The following PIGG variants were observed in gnomAD, a reference collection of about 807,000 sequenced individuals.
PIGG encodes the protein phosphatidylinositol glycan anchor biosynthesis class G (EMM blood group).
In PIGG, 70 loss-of-function variants were observed where a neutral mutation model predicts 83.2. The ratio of observed to expected loss-of-function variants is 0.84; its 90% CI spans 0.69 to 1.03. The LOEUF is 1.03. Ranked by LOEUF, PIGG falls within the 50% of genes least tolerant of loss-of-function variation. The probability of loss-of-function intolerance (pLI) is 0.00; values close to 1 mark genes in which losing one functional copy is unlikely to be tolerated. For synonymous variants in PIGG, 532 were observed against 519.5 expected (o/e 1.02, Z -0.33); for missense variants, 1,257 against 1,233.6 (o/e 1.02, Z -0.28).
At chr4:517,714 G>C (rs1044413376) in intron 6 of PIGG, among the ~76,000 whole-genome samples, 4 of 152,134 alleles carry the variant, frequency 2.6e-5, no homozygotes, top group Non-Finnish European at 4.4e-5. Flanking sequence ...CAGACACTGC[G>C]ACTCTAATGG....
intron 2 of PIGG, chr4:501,296 G>C: frequency 2.7e-6 from 1 of 368,116 alleles, no homozygotes. Context: ...TAGATATACA[G>C]CCACTCAACA....
intron 5 of PIGG, among the ~76,000 whole-genome samples, chr4:510,139 G>C (rs1387950809): frequency 1.3e-5 from 2 of 152,168 alleles, no homozygotes; most frequent in Non-Finnish European, 1.5e-5. Flanking sequence ...TGGGAAATCA[G>C]GGGTCTCACA....
At chr4:516,948 G>C (rs1430207789) in intron 6 of PIGG, among the ~76,000 whole-genome samples, 1 of 152,002 alleles carries the variant, frequency 6.6e-6, no homozygotes, top group East Asian at 1.9e-4. Context: ...CTGGCCGCTG[G>C]CCATCTGGGA....
chr4:505,459 CAAAAAAAAAAA>C lies in PIGG; in HGVS notation c.361-242_361-232del, dbSNP rs35308755. Among the ~76,000 whole-genome samples, 79 of 45,030 alleles carry C rather than the reference CAAAAAAAAAAA, an allele frequency of 1.8e-3. 2 individuals carry two copies. Among genetic ancestry groups the C allele is most frequent in the African/African-American group, 4.3e-3 (47 of 11,022 alleles). 29.5% of individuals were successfully genotyped at this position (45,030 alleles called of 152,430 possible). On this transcript the variant is annotated intron_variant, in intron 2 of 12. Coordinates refer to ENST00000453061, the MANE Select transcript of PIGG (RefSeq NM_001127178.3). ...CAACATAGCGGGACCCTGTATCTAC[CAAAAAAAAAAA>C]AAAAAAAAAAAAAAAAGCTGGGTGT...
chr4:521,272 A>G lies in PIGG; in HGVS notation c.1331A>G (p.Glu444Gly), dbSNP rs1215019860. 3 of 1,606,576 alleles carry G rather than the reference A, an allele frequency of 1.9e-6. No homozygotes were observed. The highest frequency in any genetic ancestry group is 2.6e-6 in the Non-Finnish European group (3 of 1,173,450). ...ATGGTGGGGACTGTCGTGGTTTTGGAGGTACAGATGCTCACACAGTCATGG... is the reference window on the plus strand; with the variant it reads ...ATGGTGGGGACTGTCGTGGTTTTGGGGGTACAGATGCTCACACAGTCATGG... Reference protein sequence around the residue: ...SMMVGTVVVLEVLTLLLLSVP... With the variant: ...SMMVGTVVVLGVLTLLLLSVP... Residue 444 changes from glutamate to glycine, a missense_variant and splice_region_variant, in exon 7 of 13, where the codon GAG (glutamate) becomes GGG (glycine). By Grantham distance (98) the Glu-to-Gly change is moderately conservative. Coordinates refer to ENST00000453061, the MANE Select transcript of PIGG (RefSeq NM_001127178.3).
At chr4:534,652 G>C (rs532305240) in intron 12 of PIGG, among the ~76,000 whole-genome samples, 89 of 152,214 alleles carry the variant, frequency 5.8e-4, no homozygotes, top group Non-Finnish European at 1.0e-3. Flanking sequence ...CAGTGAGCCT[G>C]AGGTCTCCTC....
intron 2 of PIGG, among the ~76,000 whole-genome samples, chr4:504,680 C>T (rs1269877572): frequency 6.6e-6 from 1 of 152,194 alleles, no homozygotes; most frequent in Admixed American, 6.5e-5. Context: ...CCCAGGTTCC[C>T]GTTTATTTTC....
rs782412147 is a variant in PIGG, at chr4:500,470, A to T, written c.229A>T (p.Arg77Ter). 9 of 1,613,688 alleles carry T rather than the reference A, an allele frequency of 5.6e-6. No homozygotes were observed. The highest frequency in any genetic ancestry group is 7.6e-6 in the Non-Finnish European group (9 of 1,179,628). ...KVVIVLIDAL[R>*]DDFVFGSKGV... ...TGTTATTGTTCTGATAGATGCCTTG[A>T]GAGATGATTTTGTGTTTGGGTCAAA... Residue 77 changes from arginine to a stop codon, truncating the protein, a stop_gained, in exon 2 of 13, where the codon AGA becomes TGA. Transcript: ENST00000453061. LOFTEE classifies it high-confidence loss of function.
At chr4:506,830 CTCAGCT>C in intron 3 of PIGG, 3 of 456,044 alleles carry the variant, frequency 6.6e-6, no homozygotes, top group South Asian at 4.6e-5. Context: ...TGTAGATGCC[CTCAGCT>C]TCATCATCCT....
In PIGG at chr4:530,466, C is replaced by A; in HGVS notation, c.2292C>A (p.Val764=). 6.2e-7 allele frequency: 1 copy of A among 1,613,554 alleles called. No individual in the cohort carries two copies. Residue 764 remains valine, a synonymous_variant, in exon 11 of 13, where the codon GTC becomes GTA. Coordinates refer to ENST00000453061, the MANE Select transcript of PIGG (RefSeq NM_001127178.3). Reference sequence around the variant, plus strand: ...TTATTGAAGCTCGTTTTGTTTATGTCTTTGTCCTTGGCATTCTGTTCACGG... The same window carrying A: ...TTATTGAAGCTCGTTTTGTTTATGTATTTGTCCTTGGCATTCTGTTCACGG... ...KGIIEARFVY[V]FVLGILFTGT...
chr4:528,178 A>G lies in PIGG; in HGVS notation c.2261+948A>G. Reference sequence around the variant, plus strand: ...TAGGCAGCCTATTTTCACAGAACAGAGAAGCATGTTGTGGAACAGGTATGA... The same window carrying G: ...TAGGCAGCCTATTTTCACAGAACAGGGAAGCATGTTGTGGAACAGGTATGA... On this transcript the variant is annotated intron_variant, in intron 10 of 12. Transcript: ENST00000453061. The surrounding 1 kb of genome is among the most constrained non-coding windows in gnomAD (Gnocchi z 4.8). 1 of 984,962 alleles carries G rather than the reference A, an allele frequency of 1.0e-6. No individual in the cohort carries two copies. 61.0% of individuals were successfully genotyped at this position (984,962 alleles called of 1,614,324 possible). A position where few individuals can be genotyped will look rare whatever the true frequency, so the allele number is the denominator to read the frequency against.
At chr4:505,186 G>A (rs182970914) in intron 2 of PIGG, among the ~76,000 whole-genome samples, 2 of 152,132 alleles carry the variant, frequency 1.3e-5, no homozygotes, top group East Asian at 3.9e-4. Flanking sequence ...TGTTGCCGTC[G>A]TCTCGCTATC....
intron 6 of PIGG, 62 bp downstream of exon 6, chr4:516,247 C>T: frequency 2.7e-6 from 3 of 1,110,028 alleles, no homozygotes; most frequent in Non-Finnish European, 4.1e-6. Context: ...GCTCGGGTTT[C>T]TCCGATGTGT....
chr4:500,157 T>G (rs1553874767), intron 1 of PIGG: 1 of 538,112 alleles, frequency 1.9e-6, no homozygotes, highest in African/African-American at 1.9e-5. Flanking sequence ...CCCAGTACTC[T>G]TCACCATACT....
Position 521,839 on chromosome 4 carries a change from G to A in PIGG, c.1512G>A (p.Ser504=), listed in dbSNP as rs35851965. 5.1e-5 allele frequency: 82 copies of A among 1,614,086 alleles called. No homozygotes were observed. Among genetic ancestry groups the A allele is most frequent in the Middle Eastern group, 1.6e-4 (1 of 6,084 alleles). The change falls in exon 8 of 13, where the codon TCG becomes TCA. Residue 504 remains serine (S), a synonymous_variant. Coordinates refer to ENST00000453061, the MANE Select transcript of PIGG (RefSeq NM_001127178.3). The stretch of plus-strand genomic sequence containing the variant: ...GTTCGTGCTACTTCTGTGGCCTCTC[G>A]TGGCTGGCGGCAGGTGGGGTGATGG... ...AESSCYFCGL[S]WLAAGGVMVL...
Position 530,650 on chromosome 4 carries a change from C to T in PIGG, c.2476C>T (p.Leu826=), listed in dbSNP as rs773020244. Residue 826 remains leucine, a synonymous_variant, in exon 11 of 13, where the codon CTA becomes TTA. Transcript: ENST00000453061. The part of the protein sequence containing the change: ...VLAFSLLIQT[L]MTKFIWKPLR... The stretch of plus-strand genomic sequence containing the variant: ...AGCATTTAGCCTCTTGATTCAGACT[C>T]TAATGACTAAATTCATCTGGAAGCC... The T allele has an allele frequency of 6.2e-7, 1 of 1,613,416 alleles. No individual in the cohort carries two copies. Among genetic ancestry groups the T allele is most frequent in the South Asian group, 1.1e-5 (1 of 91,072 alleles).
At position 523,467 on chromosome 4, in the gene PIGG, G is replaced by T; in HGVS notation, c.1623G>T (p.Met541Ile). 6.2e-7 allele frequency: 1 copy of T among 1,603,988 alleles called. No individual in the cohort carries two copies. Among genetic ancestry groups the T allele is most frequent in the Non-Finnish European group, 8.5e-7 (1 of 1,173,024 alleles). ...CACTTTCCTTTTCACAGAACCCCAT[G>T]CATCCCAGCTCAAGGTGGTCAGAGC... ...VGGNTPRKNP[M>I]HPSSRWSELD... The change falls in exon 9 of 13, where the codon ATG becomes ATT. Residue 541 changes from methionine (M) to isoleucine (I), a missense_variant. Physicochemically the swap from Met to Ile is conservative, Grantham distance 10 (BLOSUM62 1). Coordinates refer to ENST00000453061, the MANE Select transcript of PIGG (RefSeq NM_001127178.3).
At chr4:523,960 T>A in intron 9 of PIGG, 47 bp downstream of exon 9, 2 of 1,208,088 alleles carry the variant, frequency 1.7e-6, no homozygotes, top group South Asian at 3.2e-5. Context: ...CTACGGCCGA[T>A]TGGTCACCTG....
At chr4:523,435 C>A (rs1045959650) in intron 8 of PIGG, 24 bp from the exon 9 acceptor site, 6 of 1,541,720 alleles carry the variant, frequency 3.9e-6, no homozygotes, top group Non-Finnish European at 5.3e-6. Context: ...CCGTCTCTTA[C>A]AAAGTGCACT....
Sources: allele counts gnomAD v4.1 joint callset (sites outside exome capture counted in the v4.1 genomes callset), GRCh38; gene constraint gnomAD v4.1.1; non-coding constraint Gnocchi (gnomAD v3.1); transcripts MANE v1.5; gene names NCBI Gene and HGNC (gene_info 2026-07-23, HGNC 2026-07-21).